The following STAT5B variants were observed in gnomAD, a reference collection of about 807,000 sequenced individuals.
STAT5B encodes signal transducer and activator of transcription 5B.
STAT5B carries 21 observed loss-of-function variants against 107.8 expected under a neutral mutation model. The observed-to-expected ratio is 0.19, with a 90% CI of 0.14 to 0.28. STAT5B has a LOEUF of 0.28. Ranked by LOEUF, STAT5B falls within the 10% of genes least tolerant of loss-of-function variation. STAT5B has a pLI of 1.00. For missense variants in STAT5B, 565 were observed against 1,008.2 expected (o/e 0.56, Z 5.95); for synonymous variants, 325 against 401.7 (o/e 0.81, Z 2.28).
chr17:42,272,003 T>C (rs1336318091), intron 1 of STAT5B: 2 of 152,212 alleles, frequency 1.3e-5, no homozygotes, highest in Non-Finnish European at 2.9e-5. Flanking sequence ...TGAATGTCAA[T>C]TCAATTAGGA....
In STAT5B at chr17:42,224,976, C is replaced by T. The variant is rs1177448519; in HGVS notation, c.286-108G>A. On this transcript the variant is annotated intron_variant, in intron 3 of 18. Coordinates refer to ENST00000293328, the MANE Select transcript of STAT5B (RefSeq NM_012448.4). ...GAGGGACCTCCTGAATCACAGGAGG[C>T]ACTGTTCCTCCAATACCAACAGGAA... The T allele has an allele frequency of 4.9e-6, 5 of 1,023,930 alleles. No individual in the cohort carries two copies. In the Admixed American group the frequency reaches 5.8e-5, roughly 12 times the overall value. 63.4% of individuals were successfully genotyped at this position (1,023,930 alleles called of 1,614,324 possible).
chr17:42,227,832 A>C (rs966650576), intron 2 of STAT5B, 147 bp from the exon 3 acceptor site: 2 of 760,834 alleles, frequency 2.6e-6, no homozygotes, highest in African/African-American at 3.5e-5. Context: ...ACAGAAATGG[A>C]CTCAATGCCT....
At chr17:42,254,481 A>G (rs757198842) in intron 1 of STAT5B, among the ~76,000 whole-genome samples, 26 of 152,120 alleles carry the variant, frequency 1.7e-4, no homozygotes, top group Middle Eastern at 3.2e-3. Context: ...CAGAACTCCC[A>G]GTATATTTCT....
rs985409541 is a variant in STAT5B, at chr17:42,202,976, T to G, written c.2078-168A>C. The G allele has an allele frequency of 4.6e-6, 4 of 873,266 alleles. No individual in the cohort carries two copies. In the African/African-American group the frequency reaches 6.6e-5, roughly 15 times the overall value. 54.1% of individuals were successfully genotyped at this position (873,266 alleles called of 1,614,324 possible). ...GTTTTGTTTTTTGAAACAGTCTCAC[T>G]CTCTCATCCAGGCTGGAGTACGGTG... On this transcript the variant is annotated intron_variant, in intron 16 of 18. Transcript: ENST00000293328.
rs2080093616 is a variant in STAT5B, at chr17:42,207,450, T to C, written c.2077+108A>G. 2.8e-6 allele frequency: 4 copies of C among 1,410,276 alleles called. No individual in the cohort carries two copies. The South Asian group carries it at 4.7e-5, about 16-fold the overall frequency. 87.4% of individuals were successfully genotyped at this position (1,410,276 alleles called of 1,614,324 possible). ...CTGCTCTCACTGAATGGTAATTGTGTGGGTTTTCACACAAGAGAGATAACA... is the reference window on the plus strand; with the variant it reads ...CTGCTCTCACTGAATGGTAATTGTGCGGGTTTTCACACAAGAGAGATAACA... On this transcript the variant is annotated intron_variant, in intron 16 of 18. Coordinates refer to ENST00000293328, the MANE Select transcript of STAT5B (RefSeq NM_012448.4).
In STAT5B at chr17:42,202,741, C is replaced by T. The variant is rs753434378; in HGVS notation, c.2129+16G>A. On this transcript the variant is annotated intron_variant, in intron 17 of 18. Transcript: ENST00000293328. ...GAAAGAGGCAGAAGGAGAGCCACAG[C>T]CACCTGGACACTTACTCAGGGACCA... The T allele has an allele frequency of 1.9e-6, 3 of 1,613,810 alleles. No homozygotes were observed. The highest frequency in any genetic ancestry group is 2.5e-6 in the Non-Finnish European group (3 of 1,180,038).
chr17:42,231,264 C>T (rs1257397587), intron 2 of STAT5B, among the ~76,000 whole-genome samples: 1 of 152,146 alleles, frequency 6.6e-6, no homozygotes, highest in Non-Finnish European at 1.5e-5. Flanking sequence ...CCTCAGCATC[C>T]TGGGTAGCTG....
chr17:42,275,865 G>A (rs1433113286), intron 1 of STAT5B, among the ~76,000 whole-genome samples: 1 of 152,098 alleles, frequency 6.6e-6, no homozygotes. Flanking sequence ...GAAGACGGCT[G>A]GGGATATTCG....
chr17:42,282,526 G>A, the STAT5B span, among the ~76,000 whole-genome samples: 8 of 152,238 alleles, frequency 5.3e-5, no homozygotes, highest in Middle Eastern at 6.8e-3. Context: ...GTTTCACCAT[G>A]CTGAGTCTGT....
the STAT5B span, chr17:42,288,268 C>T: frequency 1.3e-5 from 2 of 152,188 alleles, no homozygotes; most frequent in Admixed American, 6.5e-5. This position sits in a 1 kb window ranked among gnomAD's most constrained non-coding sequence, Gnocchi z 4.8. Flanking sequence ...CGAGGGCCTG[C>T]TGGGACTCCC....
rs1019434255 is a variant in STAT5B, at chr17:42,211,984, C to T, written c.1680G>A (p.Arg560=). 9 of 1,610,240 alleles carry T rather than the reference C, an allele frequency of 5.6e-6. No homozygotes were observed. The highest frequency in any genetic ancestry group is 7.6e-6 in the Non-Finnish European group (9 of 1,178,414). ...GLSVSWSQFN[R]ENLPGRNYTF... is the part of the protein sequence containing the mutation. Reference sequence around the variant, plus strand: ...AGCGGCTGGCAGCTGGGCTCCTCACCCTGTTGAACTGGGACCAGGACACAG... The same window carrying T: ...AGCGGCTGGCAGCTGGGCTCCTCACTCTGTTGAACTGGGACCAGGACACAG... Residue 560 remains arginine (R), a splice_region_variant and synonymous_variant, in exon 13 of 19, where the codon AGG becomes AGA. Coordinates refer to ENST00000293328, the MANE Select transcript of STAT5B (RefSeq NM_012448.4).
intron 18 of STAT5B, 40 bp from the exon 19 acceptor site, chr17:42,201,904 C>A: frequency 6.2e-7 from 1 of 1,605,268 alleles, no homozygotes; most frequent in Non-Finnish European, 8.5e-7. Flanking sequence ...AAGGGGAAAG[C>A]CTGCCAGAGA....
chr17:42,216,084 A>G lies in STAT5B; in HGVS notation c.1403T>C (p.Val468Ala), dbSNP rs201911697. The part of the protein sequence containing the change: ...QVKTLSLPVV[V>A]IVHGSQDNNA... The stretch of plus-strand genomic sequence containing the variant: ...GTTGTCCTGGCTGCCATGAACGATC[A>G]CCACCACTGGCAGGGACAGGGTCTA... Residue 468 changes from valine to alanine, a missense_variant, in exon 12 of 19, where the codon GTG becomes GCG. Physicochemically the swap from Val to Ala is moderately conservative, Grantham distance 64. Around this residue, in one of 11 missense-constraint regions of STAT5B, gnomAD observed 127 missense variants for 215.8 expected, o/e 0.59. Transcript: ENST00000293328. 7 of 1,613,596 alleles carry G rather than the reference A, an allele frequency of 4.3e-6. No individual in the cohort carries two copies. In the Admixed American group the frequency reaches 1.0e-4, roughly 23 times the overall value.
intron 1 of STAT5B, among the ~76,000 whole-genome samples, chr17:42,244,278 A>T (rs1454499577): frequency 1.5e-5 from 2 of 134,606 alleles, no homozygotes; most frequent in African/African-American, 2.8e-5. Flanking sequence ...TTTTTTAGAG[A>T]TGGGGTCTTG....
intron 2 of STAT5B, among the ~76,000 whole-genome samples, chr17:42,228,617 A>C (rs188313288): frequency 6.6e-6 from 1 of 152,314 alleles, no homozygotes; most frequent in Non-Finnish European, 1.5e-5. Flanking sequence ...TTCAAAAAAG[A>C]GGCACCAACA....
At chr17:42,244,638 A>G (rs1189393922) in intron 1 of STAT5B, among the ~76,000 whole-genome samples, 1 of 152,136 alleles carries the variant, frequency 6.6e-6, no homozygotes, top group Non-Finnish European at 1.5e-5. Context: ...TCCCTATTAA[A>G]GTTCATGGCC....
chr17:42,202,416 C>T lies in STAT5B; in HGVS notation c.2161G>A (p.Gly721Ser), dbSNP rs750095303. 156 of 1,614,216 alleles carry T rather than the reference C, an allele frequency of 9.7e-5. 2 individuals carry two copies. In the Middle Eastern group the frequency reaches 7.4e-3, roughly 77 times the overall value. ...GCCTGGTCCATGTACGTGGCGCTGC[C>T]GCCCCCGGCATCTGCAGATGCGTTC... Reference protein sequence around the residue: ...FVNASADAGGGSATYMDQAPS... With the variant: ...FVNASADAGGSSATYMDQAPS... The change falls in exon 18 of 19, where the codon GGC becomes AGC. Residue 721 changes from glycine to serine, a missense_variant. Around this residue, in one of 11 missense-constraint regions of STAT5B, gnomAD observed 76 missense variants for 110.2 expected, o/e 0.69. Transcript: ENST00000293328.
rs760927580 is a variant in STAT5B, at chr17:42,218,180, C to T, written c.1140G>A (p.Lys380=). 5.0e-6 allele frequency: 8 copies of T among 1,614,046 alleles called. No homozygotes were observed. The South Asian group carries it at 6.6e-5, about 13-fold the overall frequency. Reference sequence around the variant, plus strand: ...GGGTGTTCTCGTTCTTGAGCAGAGACTTGGCCTGCTGCTCACTGATGATGG... The same window carrying T: ...GGGTGTTCTCGTTCTTGAGCAGAGATTTGGCCTGCTGCTCACTGATGATGG... The part of the protein sequence containing the change: ...KATIISEQQA[K]SLLKNENTRN... The change falls in exon 9 of 19, where the codon AAG becomes AAA. Residue 380 remains lysine (K), a synonymous_variant. Transcript: ENST00000293328.
upstream of STAT5B, among the ~76,000 whole-genome samples, chr17:42,281,133 C>CAAAAAA (rs537711767): frequency 8.5e-6 from 1 of 117,410 alleles, no homozygotes; most frequent in African/African-American, 3.0e-5. Context: ...GATTCCGTCT[C>CAAAAAA]AAAAAAAAAA....
Sources: allele counts gnomAD v4.1 joint callset (sites outside exome capture counted in the v4.1 genomes callset), GRCh38; gene constraint gnomAD v4.1.1; regional missense constraint gnomAD v4.1.1; non-coding constraint Gnocchi (gnomAD v3.1); transcripts MANE v1.5; gene names NCBI Gene and HGNC (gene_info 2026-07-23, HGNC 2026-07-21).